SLC29A3: variants seen among roughly 807,000 people sequenced by gnomAD.
The protein encoded by SLC29A3 is solute carrier family 29 member 3.
In SLC29A3, 18 loss-of-function variants were observed where a neutral mutation model predicts 25.4. The ratio of observed to expected loss-of-function variants is 0.71; its 90% CI spans 0.49 to 1.05. The LOEUF (loss-of-function observed/expected upper bound fraction) is 1.05, where lower values mean the gene tolerates loss of function less well. Ranked by LOEUF, SLC29A3 falls within the 50% of genes least tolerant of loss-of-function variation. SLC29A3 has a pLI of 0.00. For synonymous variants in SLC29A3, 258 were observed against 267.1 expected (o/e 0.97, Z 0.33); for missense variants, 586 against 609.0 (o/e 0.96, Z 0.40).
chr10:71,348,879 G>T (rs1380781266), intron 3 of SLC29A3, among the ~76,000 whole-genome samples: 2 of 152,206 alleles, frequency 1.3e-5, no homozygotes, highest in Non-Finnish European at 2.9e-5. Context: ...ATGGAATGGG[G>T]ACAGGAAAGG....
At chr10:71,356,451 A>G (rs1262485278) in intron 5 of SLC29A3, among the ~76,000 whole-genome samples, 3 of 152,212 alleles carry the variant, frequency 2.0e-5, no homozygotes. Flanking sequence ...ATCATGGTGA[A>G]TAATAGTTCA....
chr10:71,362,985 C>T lies in SLC29A3; in HGVS notation c.*377C>T. 1 of 474,686 alleles carries T rather than the reference C, an allele frequency of 2.1e-6. No individual in the cohort carries two copies. Among genetic ancestry groups the T allele is most frequent in the South Asian group, 1.5e-5 (1 of 64,680 alleles). 29.4% of individuals were successfully genotyped at this position (474,686 alleles called of 1,614,324 possible). On this transcript the variant is annotated 3_prime_UTR_variant, in exon 6 of 6. Transcript: ENST00000373189. ...CCAGCCATGGGCTCTTTGCAACCTC[C>T]CAGCTGCGCTCATTCCAGCTGACAG...
At chr10:71,359,034 G>A (rs1415101249) in intron 5 of SLC29A3, among the ~76,000 whole-genome samples, 1 of 152,112 alleles carries the variant, frequency 6.6e-6, no homozygotes, top group South Asian at 2.1e-4. Context: ...TTAGCCTCCC[G>A]AGTAGCTGGG....
At position 71,362,872 on chromosome 10, in the gene SLC29A3, C is replaced by T; in HGVS notation, c.*264C>T. On this transcript the variant is annotated 3_prime_UTR_variant, in exon 6 of 6. Coordinates refer to ENST00000373189, the MANE Select transcript of SLC29A3 (RefSeq NM_018344.6). ...CAAATCAGGGGTACTCCCTTCACAG[C>T]TGATGGTTAACATTCCACCTTCTTT... is the stretch of plus-strand genomic sequence containing the variant. 1 of 651,504 alleles carries T rather than the reference C, an allele frequency of 1.5e-6. No homozygotes were observed. The highest frequency in any genetic ancestry group is 2.8e-6 in the Non-Finnish European group (1 of 354,088). 40.4% of individuals were successfully genotyped at this position (651,504 alleles called of 1,614,324 possible). A position where few individuals can be genotyped will look rare whatever the true frequency, so the allele number is the denominator to read the frequency against.
rs569225199 is a variant in SLC29A3, at chr10:71,334,822, C to T, written c.301-9387C>T. Among the ~76,000 whole-genome samples, 111 of 152,306 alleles carry T rather than the reference C, an allele frequency of 7.3e-4. 3 individuals are homozygous for T. The South Asian group carries it at 0.022, about 31-fold the overall frequency. ...GGCTTGAGCACATCAAGCTCATTCC[C>T]GACTCAGGGCCAACCGTACGCTGTT... On this transcript the variant is annotated intron_variant, in intron 2 of 5. Transcript: ENST00000373189.
chr10:71,356,355 AAGC>A lies in SLC29A3; in HGVS notation c.773+115_773+117del, dbSNP rs148010999. On this transcript the variant is annotated intron_variant, in intron 5 of 5. Coordinates refer to ENST00000373189, the MANE Select transcript of SLC29A3 (RefSeq NM_018344.6). ...TTCTTTGTCTAGGTGCTATGGCTCA[AAGC>A]AGTTGTTCAACAAATAGGCTTGGCT... is the stretch of plus-strand genomic sequence containing the variant. 6,582 of 1,353,670 alleles carry A rather than the reference AAGC, an allele frequency of 4.9e-3. 104 individuals carry two copies. The highest frequency in any genetic ancestry group is 0.045 in the African/African-American group (3,124 of 69,694). The allele number at this position is 1,353,670 out of a possible 1,614,324, so 83.9% of individuals were successfully genotyped here. A position where few individuals can be genotyped will look rare whatever the true frequency, so the allele number is the denominator to read the frequency against.
intron 2 of SLC29A3, among the ~76,000 whole-genome samples, chr10:71,331,873 T>C (rs924331967): frequency 2.6e-5 from 4 of 152,182 alleles, no homozygotes; most frequent in Admixed American, 2.6e-4. Context: ...CAGTATCAGA[T>C]TTCCTGGGAC....
intron 3 of SLC29A3, among the ~76,000 whole-genome samples, chr10:71,368,827 C>T (rs985832983): frequency 2.0e-5 from 3 of 152,182 alleles, no homozygotes; most frequent in African/African-American, 7.2e-5. Context: ...GTCCAATCCC[C>T]TCCTCCATTT....
chr10:71,325,111 A>G (rs1845936148), intron 2 of SLC29A3, among the ~76,000 whole-genome samples: 1 of 152,138 alleles, frequency 6.6e-6, no homozygotes. Context: ...AGAAGGGGGT[A>G]TGCTAGCACC....
intron 2 of SLC29A3, 152 bp downstream of exon 2, chr10:71,323,206 G>A (rs1845893482): frequency 9.6e-7 from 1 of 1,041,298 alleles, no homozygotes; most frequent in Admixed American, 2.0e-5. Flanking sequence ...GGTTCCATGT[G>A]GTGTGTATGG....
intron 2 of SLC29A3, among the ~76,000 whole-genome samples, chr10:71,323,627 A>T (rs1030144147): frequency 6.6e-6 from 1 of 152,384 alleles, no homozygotes; most frequent in South Asian, 2.1e-4. Flanking sequence ...CTTGCAGAGC[A>T]GGCTGGGAAA....
At chr10:71,335,544 A>T (rs1846226003) in intron 2 of SLC29A3, among the ~76,000 whole-genome samples, 1 of 152,066 alleles carries the variant, frequency 6.6e-6, no homozygotes, top group South Asian at 2.1e-4. Context: ...CCTGGGGGAG[A>T]GGCTAGAACC....
rs550651420 is a variant in SLC29A3 at position 71,363,031 on chromosome 10, A to C, written c.*423A>C. 2.2e-6 allele frequency: 1 copy of C among 458,520 alleles called. No homozygotes were observed. Among genetic ancestry groups the C allele is most frequent in the South Asian group, 1.6e-5 (1 of 64,506 alleles). The allele number at this position is 458,520 out of a possible 1,614,324, so 28.4% of individuals were successfully genotyped here. A position where few individuals can be genotyped will look rare whatever the true frequency, so the allele number is the denominator to read the frequency against. On this transcript the variant is annotated 3_prime_UTR_variant, in exon 6 of 6. Coordinates refer to ENST00000373189, the MANE Select transcript of SLC29A3 (RefSeq NM_018344.6). ...GACAGCGAGATGCAAGCAAATGCTCAGCTCTCCTTACCCTGAAGGGGTCTC... is the reference window on the plus strand; with the variant it reads ...GACAGCGAGATGCAAGCAAATGCTCCGCTCTCCTTACCCTGAAGGGGTCTC...
chr10:71,361,728 C>T (rs905387147), intron 5 of SLC29A3, among the ~76,000 whole-genome samples: 2 of 152,240 alleles, frequency 1.3e-5, no homozygotes, highest in Non-Finnish European at 1.5e-5. Context: ...TGTCCCTGCT[C>T]ATGGCATGGC....
At position 71,363,012 on chromosome 10, in the gene SLC29A3, G is replaced by A. The variant is rs985553236; in HGVS notation, c.*404G>A. The A allele has an allele frequency of 2.6e-5, 12 of 462,956 alleles. No homozygotes were observed. The highest frequency in any genetic ancestry group is 5.9e-5 in the African/African-American group (3 of 50,426). The allele number at this position is 462,956 out of a possible 1,614,324, so 28.7% of individuals were successfully genotyped here. On this transcript the variant is annotated 3_prime_UTR_variant, in exon 6 of 6. Coordinates refer to ENST00000373189, the MANE Select transcript of SLC29A3 (RefSeq NM_018344.6). Reference sequence around the variant, plus strand: ...AGCTGCGCTCATTCCAGCTGACAGCGAGATGCAAGCAAATGCTCAGCTCTC... The same window carrying A: ...AGCTGCGCTCATTCCAGCTGACAGCAAGATGCAAGCAAATGCTCAGCTCTC...
At chr10:71,360,167 G>A (rs566399580) in intron 5 of SLC29A3, among the ~76,000 whole-genome samples, 6 of 97,400 alleles carry the variant, frequency 6.2e-5, no homozygotes, top group Admixed American at 3.0e-4. Flanking sequence ...TTTTTGAGAC[G>A]GAATCTTACT....
chr10:71,367,690 G>A (rs1272499602), downstream of SLC29A3, among the ~76,000 whole-genome samples: 3 of 152,320 alleles, frequency 2.0e-5, no homozygotes, highest in African/African-American at 7.2e-5. Context: ...GAGTGACAAA[G>A]GTAGCCATAC....
chr10:71,321,408 T>A lies in SLC29A3; in HGVS notation c.2-1348T>A, dbSNP rs1244433459. Among the ~76,000 whole-genome samples the A allele has an allele frequency of 3.3e-5, 5 of 152,136 alleles. No homozygotes were observed. The East Asian group carries it at 9.6e-4, about 29-fold the overall frequency. On this transcript the variant is annotated intron_variant, in intron 1 of 5. Coordinates refer to ENST00000373189, the MANE Select transcript of SLC29A3 (RefSeq NM_018344.6). ...AAACCAAGATGCATTTATTTATTAG[T>A]TTATTGGGTGGGGAAGAGGCTACTG...
At chr10:71,348,434 A>G (rs1223835987) in intron 3 of SLC29A3, among the ~76,000 whole-genome samples, 1 of 152,196 alleles carries the variant, frequency 6.6e-6, no homozygotes, top group African/African-American at 2.4e-5. Context: ...GAGAGGTTGA[A>G]TATTTGTCAG....
Sources: gnomAD v4.1 joint callset for allele counts (sites outside exome capture counted in the v4.1 genomes callset) on GRCh38, gnomAD v4.1.1 for gene constraint, MANE v1.5 for transcripts, NCBI Gene and HGNC (gene_info 2026-07-23, HGNC 2026-07-21) for gene names.